The following ETV1 variants were observed in gnomAD, a reference collection of about 807,000 sequenced individuals.
The protein encoded by ETV1 is ETS variant transcription factor 1.
A neutral mutation model predicts 62.3 loss-of-function variants in ETV1; 27 were observed. That is an observed-to-expected ratio of 0.43 (90% confidence interval 0.32 to 0.60). The LOEUF is 0.60. ETV1 is among the 20% of genes least tolerant of loss of function. The pLI is 0.06. For missense variants in ETV1, 605 were observed against 605.8 expected (o/e 1.00, Z 0.01); for synonymous variants, 222 against 199.6 (o/e 1.11, Z -0.94).
intron 5 of ETV1, among the ~76,000 whole-genome samples, chr7:13,984,568 A>T (rs942026226): frequency 6.6e-6 from 1 of 152,048 alleles, no homozygotes; most frequent in African/African-American, 2.4e-5. Flanking sequence ...TTTTACTTAC[A>T]TCGTGATTAG....
intron 6 of ETV1, among the ~76,000 whole-genome samples, chr7:13,960,700 G>C (rs1417719108): frequency 1.3e-5 from 2 of 152,022 alleles, no homozygotes; most frequent in Non-Finnish European, 2.9e-5. Flanking sequence ...TTTTACCTCA[G>C]TGCCAAATTC....
At chr7:13,946,507 G>A (rs901237266) in intron 6 of ETV1, among the ~76,000 whole-genome samples, 1 of 152,186 alleles carries the variant, frequency 6.6e-6, no homozygotes, top group African/African-American at 2.4e-5. Context: ...TATTCCTCAT[G>A]AAGTGTTTGC....
intron 9 of ETV1, among the ~76,000 whole-genome samples, chr7:13,929,504 T>C (rs942567628): frequency 2.0e-5 from 3 of 152,120 alleles, no homozygotes; most frequent in African/African-American, 7.2e-5. Flanking sequence ...TAGTACCCAG[T>C]CTTCAGATCC....
chr7:13,891,959 A>G lies in ETV1; in HGVS notation c.*3907T>C, dbSNP rs1781411518. On this transcript the variant is annotated 3_prime_UTR_variant, in exon 14 of 14. Coordinates refer to ENST00000430479, the MANE Select transcript of ETV1 (RefSeq NM_004956.5). ...AATGTTTTCTCATTACAAGCTCTGA[A>G]AAGGCTGCATGATAGACAAAGTGGC... 4.3e-6 allele frequency: 1 copy of G among 231,954 alleles called. No homozygotes were observed. Among genetic ancestry groups the G allele is most frequent in the Non-Finnish European group, 8.5e-6 (1 of 117,302 alleles). The allele number at this position is 231,954 out of a possible 1,614,324, so 14.4% of individuals were successfully genotyped here.
chr7:13,928,430 C>T (rs533365304), intron 9 of ETV1, among the ~76,000 whole-genome samples: 161 of 151,728 alleles, frequency 1.1e-3, no homozygotes, highest in African/African-American at 3.5e-3. Context: ...GCCTGACCAA[C>T]ATGGAGAAAT....
intron 13 of ETV1, 142 bp from the exon 14 acceptor site, chr7:13,896,229 A>G (rs1781760067): frequency 3.6e-6 from 2 of 561,636 alleles, no homozygotes; most frequent in East Asian, 2.8e-5. Context: ...CTAATAGCAG[A>G]TACACATAAA....
At chr7:13,968,463 C>G (rs1435058815) in intron 6 of ETV1, among the ~76,000 whole-genome samples, 1 of 151,188 alleles carries the variant, frequency 6.6e-6, no homozygotes, top group Non-Finnish European at 1.5e-5. Flanking sequence ...CTAGAGCATA[C>G]TTTACTAAAA....
In ETV1 at chr7:13,911,325, A is replaced by G; in HGVS notation, c.803-18T>C. ...AGGCACTTCTGAAAGAGGAAACAAT[A>G]TTGGTCAAAAAGAGTCTGGAGCTGA... is the stretch of plus-strand genomic sequence containing the variant. On this transcript the variant is annotated intron_variant, in intron 9 of 13. Transcript: ENST00000430479. 1 of 1,593,356 alleles carries G rather than the reference A, an allele frequency of 6.3e-7. No individual in the cohort carries two copies. Among genetic ancestry groups the G allele is most frequent in the Non-Finnish European group, 8.6e-7 (1 of 1,162,734 alleles).
chr7:13,935,454 C>T (rs28611400), intron 8 of ETV1, among the ~76,000 whole-genome samples: 1,526 of 152,220 alleles, frequency 0.01, 32 homozygotes, highest in African/African-American at 0.036. Context: ...AAGGGAAATG[C>T]TCAAATGTCA....
intron 9 of ETV1, among the ~76,000 whole-genome samples, chr7:13,924,699 TAAG>T (rs1451400645): frequency 6.6e-6 from 1 of 152,212 alleles, no homozygotes; most frequent in African/African-American, 2.4e-5. Context: ...TTCACTAAAC[TAAG>T]AATTAGAAAA....
intron 13 of ETV1, among the ~76,000 whole-genome samples, chr7:13,898,087 T>C (rs1231968964): frequency 2.0e-5 from 3 of 152,358 alleles, no homozygotes; most frequent in African/African-American, 7.2e-5. Context: ...GGGCTACTAC[T>C]TCATTTGCTG....
chr7:13,936,689 C>T (rs1384204317), intron 7 of ETV1, among the ~76,000 whole-genome samples: 1 of 152,128 alleles, frequency 6.6e-6, no homozygotes, highest in Non-Finnish European at 1.5e-5. Flanking sequence ...AAATATTTTA[C>T]TAAAACTAAA....
chr7:13,906,330 G>T, intron 12 of ETV1, 100 bp downstream of exon 12: 2 of 804,704 alleles, frequency 2.5e-6, no homozygotes, highest in African/African-American at 1.8e-5. Context: ...CTAAAGTCTT[G>T]AAATGATTAA....
At chr7:13,906,170 T>C in intron 12 of ETV1, 1 of 303,802 alleles carries the variant, frequency 3.3e-6, no homozygotes, top group Non-Finnish European at 6.0e-6. Flanking sequence ...CCAGACATTC[T>C]TAAATAAAGG....
At chr7:13,972,829 C>T (rs1781039995) in intron 6 of ETV1, among the ~76,000 whole-genome samples, 1 of 152,090 alleles carries the variant, frequency 6.6e-6, no homozygotes, top group Admixed American at 6.6e-5. Flanking sequence ...AGGCTGGTCT[C>T]CAACTCCCGA....
At chr7:13,927,038 G>A (rs564428614) in intron 9 of ETV1, among the ~76,000 whole-genome samples, 18 of 152,060 alleles carry the variant, frequency 1.2e-4, no homozygotes, top group Middle Eastern at 3.4e-3. Context: ...TTTCCCTTAC[G>A]AGGCTTCTTT....
intron 13 of ETV1, among the ~76,000 whole-genome samples, chr7:13,897,827 T>TAAAATAAAAA (rs1781998602): frequency 3.3e-5 from 5 of 152,092 alleles, no homozygotes; most frequent in Admixed American, 3.3e-4. Context: ...GGAGAAAAAA[T>TAAAATAAAAA]AAAATAAAAT....
intron 9 of ETV1, among the ~76,000 whole-genome samples, chr7:13,925,724 C>T (rs1004198244): frequency 1.5e-5 from 2 of 135,544 alleles, no homozygotes; most frequent in Non-Finnish European, 3.1e-5. Context: ...CGCCACTGCG[C>T]CCGGCTAATT....
Position 13,894,931 on chromosome 7 carries a change from T to G in ETV1, c.*935A>C. 1 of 232,964 alleles carries G rather than the reference T, an allele frequency of 4.3e-6. No homozygotes were observed. The highest frequency in any genetic ancestry group is 2.2e-5 in the African/African-American group (1 of 45,444). 14.4% of individuals were successfully genotyped at this position (232,964 alleles called of 1,614,324 possible). A position where few individuals can be genotyped will look rare whatever the true frequency, so the allele number is the denominator to read the frequency against. ...GTAACTAGAACAGCATAATACATGA[T>G]TTAGTACAGTTAATTCTTATTGATT... is the stretch of plus-strand genomic sequence containing the variant. On this transcript the variant is annotated 3_prime_UTR_variant, in exon 14 of 14. Transcript: ENST00000430479.
Sources: gnomAD v4.1 joint callset for allele counts (sites outside exome capture counted in the v4.1 genomes callset) on GRCh38, gnomAD v4.1.1 for gene constraint, MANE v1.5 for transcripts, NCBI Gene and HGNC (gene_info 2026-07-23, HGNC 2026-07-21) for gene names.